SRGAP2: variants seen among roughly 807,000 people sequenced by gnomAD.
The protein encoded by SRGAP2 is SLIT-ROBO Rho GTPase activating protein 2, also known as SLIT-ROBO Rho GTPase-activating protein 2.
A neutral mutation model predicts 57.2 loss-of-function variants in SRGAP2; 15 were observed. That is an observed-to-expected ratio of 0.26 (90% CI 0.18 to 0.40). The LOEUF is 0.40. Among genes scored for constraint, SRGAP2 ranks in the 10% least tolerant of loss-of-function variants. SRGAP2 has a pLI of 1.00. For missense variants in SRGAP2, 520 were observed against 669.6 expected, an observed-to-expected ratio of 0.78 and a Z score of 2.47; for synonymous variants, 249 against 248.0, an observed-to-expected ratio of 1.00 and a Z score of -0.04.
chr1:206,411,362 T>A (rs1659209621), intron 10 of SRGAP2, among the ~76,000 whole-genome samples: 1 of 152,204 alleles, frequency 6.6e-6, no homozygotes, highest in Non-Finnish European at 1.5e-5. Flanking sequence ...GAACTTGTGG[T>A]CTGAGATCTT....
chr1:206,436,842 A>C, intron 14 of SRGAP2, 123 bp from the exon 15 acceptor site: 1 of 712,706 alleles, frequency 1.4e-6, no homozygotes, highest in South Asian at 1.5e-5. Context: ...CTTTGGCCTA[A>C]AGAAGAGAGA....
rs1674520481 is a variant in SRGAP2 at position 206,333,312 on chromosome 1, CT to C, written c.261-9533del. 4 of 1,224,040 alleles carry C rather than the reference CT, an allele frequency of 3.3e-6. No homozygotes were observed. The South Asian group carries it at 4.9e-5, about 15-fold the overall frequency. The allele number at this position is 1,224,040 out of a possible 1,614,324, so 75.8% of individuals were successfully genotyped here. On this transcript the variant is annotated intron_variant, in intron 3 of 22. Coordinates refer to ENST00000573034, the MANE Select transcript of SRGAP2 (RefSeq NM_015326.5). ...ATTCGGCCATCTTGGCTCCTCCCCC[CT>C]ACACTGAATCATTTATTTTGAGCCA... is the stretch of plus-strand genomic sequence containing the variant.
At chr1:206,425,735 A>G (rs1208151099) in intron 13 of SRGAP2, among the ~76,000 whole-genome samples, 2 of 151,328 alleles carry the variant, frequency 1.3e-5, no homozygotes, top group Non-Finnish European at 2.9e-5. Context: ...GAGTTTCGCC[A>G]TGTTGGCCAG....
At chr1:206,291,779 T>C (rs1347535608) in intron 2 of SRGAP2, among the ~76,000 whole-genome samples, 10 of 148,894 alleles carry the variant, frequency 6.7e-5, no homozygotes, top group African/African-American at 2.3e-4. Flanking sequence ...AAAAAAAAAC[T>C]GTGGTCAACT....
rs1553363449 is a variant in SRGAP2 at position 206,419,382 on chromosome 1, C to T, written c.1451C>T (p.Thr484Ile). The change falls in exon 12 of 23, where the codon ACA becomes ATA. Residue 484 changes from threonine (T) to isoleucine (I), a missense_variant. By Grantham distance (89) the Thr-to-Ile change is moderately conservative (BLOSUM62 -1). Transcript: ENST00000573034. ...TTTGTGTTTCCAACAGGTCAGCGGA[C>T]AGATTGCAGTCTAGCCAGGTGAGTG... ...LQKTLGESQR[T>I]DCSLARRSST... 2.6e-6 allele frequency: 2 copies of T among 780,822 alleles called. No individual in the cohort carries two copies. The allele number at this position is 780,822 out of a possible 1,614,324, so 48.4% of individuals were successfully genotyped here. A position where few individuals can be genotyped will look rare whatever the true frequency, so the allele number is the denominator to read the frequency against.
intron 4 of SRGAP2, among the ~76,000 whole-genome samples, chr1:206,344,721 C>T (rs1675492816): frequency 6.7e-6 from 1 of 149,404 alleles, no homozygotes; most frequent in African/African-American, 2.5e-5. Context: ...TTAATAGCCT[C>T]TCCAGATCTC....
At chr1:206,446,769 A>G (rs1303748670) in intron 18 of SRGAP2, among the ~76,000 whole-genome samples, 3 of 152,176 alleles carry the variant, frequency 2.0e-5, no homozygotes, top group African/African-American at 7.2e-5. Context: ...CTTCAGAATG[A>G]TTTTAGAAAT....
chr1:206,245,456 G>A (rs1181543296), intron 2 of SRGAP2, among the ~76,000 whole-genome samples: 4 of 152,116 alleles, frequency 2.6e-5, no homozygotes, highest in African/African-American at 9.7e-5. Context: ...TATAAGAGAT[G>A]TAGAAGCAAG....
chr1:206,422,095 C>A (rs2103251585), intron 13 of SRGAP2, among the ~76,000 whole-genome samples: 1 of 152,322 alleles, frequency 6.6e-6, no homozygotes, highest in African/African-American at 2.4e-5. Context: ...GTCTTTGTGT[C>A]TGCTCAGGGG....
chr1:206,411,005 C>T (rs1345787914), intron 10 of SRGAP2, among the ~76,000 whole-genome samples: 1 of 152,178 alleles, frequency 6.6e-6, no homozygotes, highest in Non-Finnish European at 1.5e-5. Flanking sequence ...GGATTGCAGG[C>T]ACACGCCACC....
At position 206,458,750 on chromosome 1, in the gene SRGAP2, C is replaced by A. The variant is rs1374818752; in HGVS notation, c.2635C>A (p.Pro879Thr). 2 of 780,758 alleles carry A rather than the reference C, an allele frequency of 2.6e-6. No individual in the cohort carries two copies. Among genetic ancestry groups the A allele is most frequent in the Non-Finnish European group, 4.8e-6 (2 of 417,948 alleles). The allele number at this position is 780,758 out of a possible 1,614,324, so 48.4% of individuals were successfully genotyped here. Residue 879 changes from proline to threonine, a missense_variant, in exon 22 of 23, where the codon CCC (proline) becomes ACC (threonine). By Grantham distance (38) the Pro-to-Thr change is conservative. Transcript: ENST00000573034. The part of the protein sequence containing the change: ...VGASCRPSSQ[P>T]IMSQSLPKEG... ...GGCTAGCTGCCGCCCATCCTCCCAG[C>A]CCATCATGAGCCAGAGCCTCCCCAA...
intron 13 of SRGAP2, among the ~76,000 whole-genome samples, 155 bp from the exon 14 acceptor site, chr1:206,429,999 GTTGTATTT>G (rs1553367767): frequency 6.6e-6 from 1 of 152,220 alleles, no homozygotes; most frequent in Non-Finnish European, 1.5e-5. Flanking sequence ...CATGTGGGTG[GTTGTATTT>G]TTGTGCTCTG....
At chr1:206,302,655 C>A (rs1671940035) in intron 2 of SRGAP2, among the ~76,000 whole-genome samples, 1 of 152,132 alleles carries the variant, frequency 6.6e-6, no homozygotes, top group African/African-American at 2.4e-5. Context: ...AGTTCTTGTG[C>A]TTGTTTTGTT....
At chr1:206,430,053 C>T (rs1331504983) in intron 13 of SRGAP2, 109 bp from the exon 14 acceptor site, 1 of 717,986 alleles carries the variant, frequency 1.4e-6, no homozygotes, top group East Asian at 2.5e-5. Context: ...TCTTTGTAGA[C>T]CGGCTGGTGA....
In SRGAP2 at chr1:206,393,572, C is replaced by T; in HGVS notation, c.730C>T (p.Leu244=). 1.3e-6 allele frequency: 1 copy of T among 779,054 alleles called. No homozygotes were observed. The highest frequency in any genetic ancestry group is 2.4e-6 in the Non-Finnish European group (1 of 417,418). The allele number at this position is 779,054 out of a possible 1,614,324, so 48.3% of individuals were successfully genotyped here. ...KRQAKYTENK[L]KAIKARNEYL... is the part of the protein sequence containing the mutation. ...TCAAGCCAAGTACACGGAGAATAAGCTGAAGGCCATCAAAGCCCGGAATGA... is the reference window on the plus strand; with the variant it reads ...TCAAGCCAAGTACACGGAGAATAAGTTGAAGGCCATCAAAGCCCGGAATGA... Residue 244 remains leucine, a synonymous_variant, in exon 7 of 23, where the codon CTG becomes TTG. Coordinates refer to ENST00000573034, the MANE Select transcript of SRGAP2 (RefSeq NM_015326.5).
In SRGAP2 at chr1:206,303,884, TCTCTCACACA is replaced by T. The variant is rs1400939422; in HGVS notation, c.260+413_260+422del. On this transcript the variant is annotated intron_variant, in intron 3 of 22. Coordinates refer to ENST00000573034, the MANE Select transcript of SRGAP2 (RefSeq NM_015326.5). Reference sequence around the variant, plus strand: ...CTTAATCTCTGTCTCTCTCTCTCTCTCTCTCACACACACACACACACACACACACACACAC... The same window carrying T: ...CTTAATCTCTGTCTCTCTCTCTCTCTCACACACACACACACACACACACAC... Among the ~76,000 whole-genome samples, 1,076 of 142,566 alleles carry T rather than the reference TCTCTCACACA, an allele frequency of 7.5e-3. 9 individuals carry two copies. The highest frequency in any genetic ancestry group is 0.028 in the African/African-American group (1,013 of 36,508). 93.5% of individuals were successfully genotyped at this position (142,566 alleles called of 152,430 possible). A position where few individuals can be genotyped will look rare whatever the true frequency, so the allele number is the denominator to read the frequency against.
Position 206,374,307 on chromosome 1 carries a change from C to T in SRGAP2, c.424-9707C>T, listed in dbSNP as rs549165561. 7.3e-5 allele frequency among the ~76,000 whole-genome samples: 11 copies of T among 150,470 alleles called. No individual in the cohort carries two copies. The East Asian group carries it at 1.8e-3, about 24-fold the overall frequency. On this transcript the variant is annotated intron_variant, in intron 4 of 22. Transcript: ENST00000573034. Reference sequence around the variant, plus strand: ...CTGGGATTACAGGCGTGAGCCACCGCGCCCGGCCAGATACACATTCTTTTC... The same window carrying T: ...CTGGGATTACAGGCGTGAGCCACCGTGCCCGGCCAGATACACATTCTTTTC...
chr1:206,217,355 A>G (rs1318007460), intron 2 of SRGAP2, among the ~76,000 whole-genome samples: 1 of 151,080 alleles, frequency 6.6e-6, no homozygotes, highest in Non-Finnish European at 1.5e-5. Flanking sequence ...GTTGAGCTAC[A>G]GGATTCTACA....
chr1:206,423,949 ATTT>A (rs782243765), intron 13 of SRGAP2, among the ~76,000 whole-genome samples: 1,946 of 87,684 alleles, frequency 0.022, 45 homozygotes, highest in African/African-American at 0.076. Flanking sequence ...TAATTTATGT[ATTT>A]TTTTTTTTTT....
Sources: allele counts gnomAD v4.1 joint callset (sites outside exome capture counted in the v4.1 genomes callset), GRCh38; gene constraint gnomAD v4.1.1; transcripts MANE v1.5; gene names NCBI Gene and HGNC (gene_info 2026-07-23, HGNC 2026-07-21).